The following KIAA0232 variants were observed in gnomAD, a reference collection of about 807,000 sequenced individuals.
KIAA0232 encodes the protein KIAA0232, also known as uncharacterized protein KIAA0232.
KIAA0232 carries 27 observed loss-of-function variants against 122.0 expected under a neutral mutation model. The observed-to-expected ratio is 0.22, with a 90% CI of 0.16 to 0.31. The LOEUF is 0.31. KIAA0232 is among the 10% of genes least tolerant of loss of function. The probability of loss-of-function intolerance (pLI) is 1.00; values close to 1 mark genes in which losing one functional copy is unlikely to be tolerated. For synonymous variants in KIAA0232, 613 were observed against 587.6 expected, an observed-to-expected ratio of 1.04 and a Z score of -0.63; for missense variants, 1,551 against 1,634.2, an observed-to-expected ratio of 0.95 and a Z score of 0.88.
chr4:6,820,495 C>T (rs1425510073), intron 2 of KIAA0232, among the ~76,000 whole-genome samples: 2 of 152,140 alleles, frequency 1.3e-5, no homozygotes, highest in Non-Finnish European at 2.9e-5. Flanking sequence ...AGGTCATTTA[C>T]ATTCATTATT....
chr4:6,815,140 A>G (rs1718059753), intron 2 of KIAA0232, among the ~76,000 whole-genome samples: 2 of 152,176 alleles, frequency 1.3e-5, no homozygotes, highest in Admixed American at 6.5e-5. Context: ...ACTAAATTCC[A>G]TGTTTGGAAT....
At chr4:6,798,118 A>G (rs1216735481) in intron 1 of KIAA0232, among the ~76,000 whole-genome samples, 1 of 152,030 alleles carries the variant, frequency 6.6e-6, no homozygotes, top group Non-Finnish European at 1.5e-5. Flanking sequence ...TTAAACGAGG[A>G]GTGAATAGTA....
At chr4:6,792,004 T>G (rs773722185) in intron 1 of KIAA0232, among the ~76,000 whole-genome samples, 2 of 152,224 alleles carry the variant, frequency 1.3e-5, no homozygotes, top group Non-Finnish European at 2.9e-5. Flanking sequence ...TAATCTCTCC[T>G]CTTTTGACTG....
chr4:6,832,841 C>T (rs1719065384), intron 3 of KIAA0232, among the ~76,000 whole-genome samples: 2 of 152,166 alleles, frequency 1.3e-5, no homozygotes, highest in South Asian at 4.1e-4. Flanking sequence ...CACACTGGGG[C>T]CTGCCCTGCA....
intron 1 of KIAA0232, among the ~76,000 whole-genome samples, chr4:6,783,688 CGCGGCGCGGGGG>C (rs1716471491): frequency 3.4e-5 from 5 of 149,198 alleles, no homozygotes; most frequent in Admixed American, 6.6e-5. Context: ...TGGCGCGGGG[CGCGGCGCGGGGG>C]GCGGGCCTGG....
chr4:6,817,726 G>GT (rs1560172085), intron 2 of KIAA0232, among the ~76,000 whole-genome samples: 1 of 152,040 alleles, frequency 6.6e-6, no homozygotes, highest in African/African-American at 2.4e-5. Context: ...ATCCTTACTG[G>GT]TTTTTTTGTG....
intron 3 of KIAA0232, among the ~76,000 whole-genome samples, chr4:6,836,596 A>T (rs970703778): frequency 8.9e-6 from 1 of 112,846 alleles, no homozygotes; most frequent in Non-Finnish European, 1.7e-5. Flanking sequence ...TTTCTCGGAG[A>T]GGGGGATTTG....
chr4:6,862,080 A>C lies in KIAA0232; in HGVS notation c.1698A>C (p.Ile566=). 6.2e-7 allele frequency: 1 copy of C among 1,614,222 alleles called. No homozygotes were observed. Among genetic ancestry groups the C allele is most frequent in the Non-Finnish European group, 8.5e-7 (1 of 1,180,036 alleles). Reference sequence around the variant, plus strand: ...TGGAGTTGCAAGGGGAACGTGCAATATGGACAGATTCTACCAGCTCCGTAG... The same window carrying C: ...TGGAGTTGCAAGGGGAACGTGCAATCTGGACAGATTCTACCAGCTCCGTAG... ...DGMELQGERA[I]WTDSTSSVGA... Residue 566 remains isoleucine (I), a synonymous_variant, in exon 7 of 10, where the codon ATA becomes ATC. Coordinates refer to ENST00000307659, the MANE Select transcript of KIAA0232 (RefSeq NM_014743.3).
Position 6,838,281 on chromosome 4 carries a change from C to A in KIAA0232, c.232-3786C>A, listed in dbSNP as rs541185654. 5.3e-5 allele frequency among the ~76,000 whole-genome samples: 8 copies of A among 151,910 alleles called. No homozygotes were observed. In the South Asian group the frequency reaches 1.7e-3, roughly 32 times the overall value. On this transcript the variant is annotated intron_variant, in intron 3 of 9. Transcript: ENST00000307659. ...TCTGCTCACTGCAGCCTCCGCCTCCCAGGCTCAAGCAATTCTCCCACCTCA... is the reference window on the plus strand; with the variant it reads ...TCTGCTCACTGCAGCCTCCGCCTCCAAGGCTCAAGCAATTCTCCCACCTCA...
At chr4:6,818,087 TCAAACCAAGAAC>T (rs1718221230) in intron 2 of KIAA0232, among the ~76,000 whole-genome samples, 1 of 152,080 alleles carries the variant, frequency 6.6e-6, no homozygotes, top group African/African-American at 2.4e-5. Context: ...CCTATAACAT[TCAAACCAAGAAC>T]CAAATCAAGA....
At chr4:6,808,017 G>C (rs935979618) in intron 2 of KIAA0232, among the ~76,000 whole-genome samples, 1 of 152,172 alleles carries the variant, frequency 6.6e-6, no homozygotes, top group African/African-American at 2.4e-5. Flanking sequence ...TCAGTGAGCT[G>C]AGATCATGCC....
At chr4:6,793,081 C>G (rs1480661449) in intron 1 of KIAA0232, among the ~76,000 whole-genome samples, 1 of 152,100 alleles carries the variant, frequency 6.6e-6, no homozygotes, top group African/African-American at 2.4e-5. Context: ...CATAAAAACT[C>G]GTAGTAAGAA....
intron 2 of KIAA0232, among the ~76,000 whole-genome samples, chr4:6,806,651 A>G (rs563905917): frequency 1.3e-3 from 186 of 145,138 alleles, no homozygotes; most frequent in African/African-American, 4.5e-3. Flanking sequence ...GGAGAATGGC[A>G]TGAACCTGGG....
At chr4:6,824,865 A>T (rs960312294) in intron 3 of KIAA0232, among the ~76,000 whole-genome samples, 181 bp downstream of exon 3, 6 of 152,154 alleles carry the variant, frequency 3.9e-5, no homozygotes, top group African/African-American at 1.4e-4. Context: ...GTCATTGAGC[A>T]CCCTGTTAAG....
intron 6 of KIAA0232, 83 bp from the exon 7 acceptor site, chr4:6,860,818 C>A (rs1720811104): frequency 2.6e-6 from 3 of 1,157,792 alleles, no homozygotes; most frequent in Non-Finnish European, 2.5e-6. Context: ...TGAAATATTC[C>A]ATTCTTCTGG....
intron 3 of KIAA0232, among the ~76,000 whole-genome samples, chr4:6,837,606 C>A (rs1032029432): frequency 6.6e-6 from 1 of 152,234 alleles, no homozygotes; most frequent in Non-Finnish European, 1.5e-5. Context: ...CACGCCACTG[C>A]ATTCCAGCCT....
In KIAA0232 at chr4:6,822,534, CAA is replaced by C. The variant is rs1425266646; in HGVS notation, c.-269-1648_-269-1647del. Among the ~76,000 whole-genome samples the C allele has an allele frequency of 3.9e-5, 6 of 152,126 alleles. No individual in the cohort carries two copies. In the East Asian group the frequency reaches 1.2e-3, roughly 29 times the overall value. On this transcript the variant is annotated intron_variant, in intron 2 of 9. Transcript: ENST00000307659. ...CTCTTATTATCTGTTAAAATTCATG[CAA>C]AAGTTGAGTTTAGGAGGTTTACCTT...
chr4:6,794,337 G>A (rs1021801619), intron 1 of KIAA0232, among the ~76,000 whole-genome samples: 1 of 152,194 alleles, frequency 6.6e-6, no homozygotes, highest in African/African-American at 2.4e-5. Flanking sequence ...GCATGGCTTG[G>A]TGTCAGTGCT....
Position 6,881,015 on chromosome 4 carries a change from A to C in KIAA0232, c.*49A>C. The C allele has an allele frequency of 7.6e-7, 1 of 1,318,960 alleles. No individual in the cohort carries two copies. Among genetic ancestry groups the C allele is most frequent in the East Asian group, 2.9e-5 (1 of 34,750 alleles). The allele number at this position is 1,318,960 out of a possible 1,614,324, so 81.7% of individuals were successfully genotyped here. On this transcript the variant is annotated 3_prime_UTR_variant, in exon 10 of 10. Transcript: ENST00000307659. ...TGTTTAAAAATGATATGTGATGGAA[A>C]ATTACTCTTCAGTGAGACCTGTTAA...
Sources: allele counts gnomAD v4.1 joint callset (sites outside exome capture counted in the v4.1 genomes callset), GRCh38; gene constraint gnomAD v4.1.1; transcripts MANE v1.5; gene names NCBI Gene and HGNC (gene_info 2026-07-23, HGNC 2026-07-21).